CFAP54: variants seen among roughly 807,000 people sequenced by gnomAD.
CFAP54 encodes the protein cilia and flagella associated protein 54, also known as cilia- and flagella-associated protein 54.
Under a neutral mutation model 370.4 loss-of-function variants are expected in CFAP54, and 290 were observed. That is an observed-to-expected ratio of 0.78 (90% CI 0.71 to 0.86). The LOEUF is 0.86. Among genes scored for constraint, CFAP54 ranks in the 40% least tolerant of loss-of-function variants. CFAP54 has a pLI of 0.00. For synonymous variants in CFAP54, 1,206 were observed against 1,236.5 expected, an observed-to-expected ratio of 0.98 and a Z score of 0.52; for missense variants, 3,399 against 3,528.7, an observed-to-expected ratio of 0.96 and a Z score of 0.93.
chr12:96,758,206 G>C (rs1958286875), intron 58 of CFAP54, among the ~76,000 whole-genome samples: 1 of 152,134 alleles, frequency 6.6e-6, no homozygotes, highest in South Asian at 2.1e-4. Flanking sequence ...AAAGGTGGGA[G>C]GAAATGAGGG....
At chr12:96,672,237 C>CAG (rs1252842375) in intron 39 of CFAP54, among the ~76,000 whole-genome samples, 4 of 151,332 alleles carry the variant, frequency 2.6e-5, no homozygotes, top group African/African-American at 4.9e-5. Context: ...AGACAAAAGG[C>CAG]AGAGAGAGAG....
At chr12:96,535,460 T>C (rs542004121) in intron 11 of CFAP54, 55 bp from the exon 12 acceptor site, 1 of 1,169,544 alleles carries the variant, frequency 8.6e-7, no homozygotes, top group African/African-American at 1.5e-5. Flanking sequence ...CCTTTTCTAT[T>C]TGAAATTTTG....
chr12:96,697,888 G>T lies in CFAP54; in HGVS notation c.6352-2083G>T, dbSNP rs369312138. On this transcript the variant is annotated intron_variant, in intron 45 of 67. Coordinates refer to ENST00000524981, the MANE Select transcript of CFAP54 (RefSeq NM_001306084.2). ...CTACTCTGGTCTTCAGGTTCTACTT[G>T]ACCTTTCTTGGCCAGCATTCACATT... Among the ~76,000 whole-genome samples the T allele has an allele frequency of 6.6e-5, 10 of 152,234 alleles. No individual in the cohort carries two copies. In the South Asian group the frequency reaches 1.9e-3, roughly 28 times the overall value.
intron 4 of CFAP54, among the ~76,000 whole-genome samples, chr12:96,511,894 AC>A (rs1214755573): frequency 6.6e-6 from 1 of 152,222 alleles, no homozygotes; most frequent in Non-Finnish European, 1.5e-5. Flanking sequence ...TGTTACAATT[AC>A]ATGCCTTTTT....
At chr12:96,808,057 C>G (rs1045453105) in intron 63 of CFAP54, among the ~76,000 whole-genome samples, 4 of 152,144 alleles carry the variant, frequency 2.6e-5, no homozygotes, top group African/African-American at 9.7e-5. Flanking sequence ...CTGCCTTCTT[C>G]TTTCCTGAAG....
intron 66 of CFAP54, among the ~76,000 whole-genome samples, chr12:96,857,348 G>A (rs1453926327): frequency 6.6e-6 from 1 of 152,094 alleles, no homozygotes; most frequent in African/African-American, 2.4e-5. Flanking sequence ...GTGCCCATAA[G>A]TTCTCATAAT....
chr12:96,641,594 T>C (rs368906358), intron 32 of CFAP54, among the ~76,000 whole-genome samples: 5,628 of 152,126 alleles, frequency 0.037, 143 homozygotes, highest in African/African-American at 0.076. Context: ...ACCCAAAGGA[T>C]TATAAATCAT....
intron 65 of CFAP54, among the ~76,000 whole-genome samples, chr12:96,820,542 T>A (rs1445095618): frequency 6.6e-6 from 1 of 152,200 alleles, no homozygotes; most frequent in Non-Finnish European, 1.5e-5. Flanking sequence ...CATTTATGAC[T>A]TCTGTGCTCT....
chr12:96,491,264 C>T (rs1954881388), intron 1 of CFAP54, among the ~76,000 whole-genome samples: 1 of 151,994 alleles, frequency 6.6e-6, no homozygotes, highest in Non-Finnish European at 1.5e-5. Flanking sequence ...GTAGGTCACA[C>T]AGGGAGAATG....
At chr12:96,532,896 C>T (rs1244291906) in intron 9 of CFAP54, among the ~76,000 whole-genome samples, 1 of 152,178 alleles carries the variant, frequency 6.6e-6, no homozygotes, top group African/African-American at 2.4e-5. Flanking sequence ...GCTGGGATTA[C>T]AAACATAAGC....
In CFAP54 at chr12:96,647,862, TC is replaced by T. The variant is rs771852989; in HGVS notation, c.4548-7del. On this transcript the variant is annotated splice_polypyrimidine_tract_variant and intron_variant, in intron 33 of 67. Transcript: ENST00000524981. ...TTATATTGTTTTTTAATATGATTTT[TC>T]CCCCCTTGCAGTTTCCGATCATGTG... is the stretch of plus-strand genomic sequence containing the variant. 524 of 1,487,460 alleles carry T rather than the reference TC, an allele frequency of 3.5e-4. No homozygotes were observed. Among genetic ancestry groups the T allele is most frequent in the Non-Finnish European group, 4.4e-4 (496 of 1,129,546 alleles). The allele number at this position is 1,487,460 out of a possible 1,614,324, so 92.1% of individuals were successfully genotyped here. A position where few individuals can be genotyped will look rare whatever the true frequency, so the allele number is the denominator to read the frequency against.
intron 39 of CFAP54, among the ~76,000 whole-genome samples, chr12:96,670,365 A>C (rs207473266): frequency 6.6e-6 from 1 of 152,228 alleles, no homozygotes; most frequent in Non-Finnish European, 1.5e-5. Flanking sequence ...ATTAGCTTAC[A>C]GTCACCTAAT....
At chr12:96,705,467 T>C (rs1178871402) in intron 47 of CFAP54, among the ~76,000 whole-genome samples, 1 of 152,130 alleles carries the variant, frequency 6.6e-6, no homozygotes, top group Non-Finnish European at 1.5e-5. Context: ...GCAATTTGCC[T>C]GAAATGAAAT....
intron 19 of CFAP54, among the ~76,000 whole-genome samples, chr12:96,567,374 A>G (rs1231135783): frequency 2.0e-5 from 3 of 152,182 alleles, no homozygotes; most frequent in South Asian, 2.1e-4. Context: ...GATGCTATCA[A>G]TGTTCAAGGT....
At chr12:96,678,986 T>C (rs1015708709) in intron 39 of CFAP54, among the ~76,000 whole-genome samples, 11 of 152,224 alleles carry the variant, frequency 7.2e-5, no homozygotes, top group Non-Finnish European at 8.8e-5. Flanking sequence ...CTTCATGATG[T>C]ATGCAGCAAT....
chr12:96,594,219 C>A, intron 24 of CFAP54, 72 bp from the exon 25 acceptor site: 3 of 1,060,966 alleles, frequency 2.8e-6, no homozygotes, highest in African/African-American at 1.6e-5. Flanking sequence ...ACATTTTCTA[C>A]CCATTCTCCG....
chr12:96,740,779 AT>A (rs1285508696), intron 51 of CFAP54, among the ~76,000 whole-genome samples: 1 of 152,182 alleles, frequency 6.6e-6, no homozygotes, highest in Non-Finnish European at 1.5e-5. Flanking sequence ...ATGATTGTCA[AT>A]TGGGGGTGAT....
chr12:96,523,919 A>ATT (rs11407072), intron 8 of CFAP54, among the ~76,000 whole-genome samples: 1,948 of 148,372 alleles, frequency 0.013, 61 homozygotes, highest in African/African-American at 0.046. Context: ...AGTTCTGGTG[A>ATT]TTTTTTTTTT....
chr12:96,591,156 C>T lies in CFAP54; in HGVS notation c.3213-1334C>T, dbSNP rs116529664. Among the ~76,000 whole-genome samples, 160 of 152,032 alleles carry T rather than the reference C, an allele frequency of 1.1e-3. 2 individuals are homozygous for T. The highest frequency in any genetic ancestry group is 3.8e-3 in the African/African-American group (156 of 41,448). Reference sequence around the variant, plus strand: ...TTGCTAGGGAAAGTGAAAGTATCACCAAAGAGGGACTGGCCAGAGATATTA... The same window carrying T: ...TTGCTAGGGAAAGTGAAAGTATCACTAAAGAGGGACTGGCCAGAGATATTA... On this transcript the variant is annotated intron_variant, in intron 23 of 67. Transcript: ENST00000524981.
Sources: allele counts gnomAD v4.1 joint callset (sites outside exome capture counted in the v4.1 genomes callset), GRCh38; gene constraint gnomAD v4.1.1; transcripts MANE v1.5; gene names NCBI Gene and HGNC (gene_info 2026-07-23, HGNC 2026-07-21).